PUDP: variants seen among roughly 807,000 people sequenced by gnomAD.
The protein encoded by PUDP is pseudouridine 5'-phosphatase, also known as pseudouridine-5'-phosphatase.
A neutral mutation model predicts 9.4 loss-of-function variants in PUDP; 8 were observed. That is an observed-to-expected ratio of 0.85 (90% CI 0.50 to 1.53). The LOEUF is 1.53. PUDP is among the 40% of genes most tolerant of loss of function. PUDP has a pLI of 0.00. For missense variants in PUDP, 188 were observed against 189.7 expected, an observed-to-expected ratio of 0.99 and a Z score of 0.05; for synonymous variants, 99 against 80.7, an observed-to-expected ratio of 1.23 and a Z score of -1.22.
At chrX:6,902,749 G>A (rs756044518) in intron 3 of PUDP, among the ~76,000 whole-genome samples, 1 of 111,484 alleles carries the variant, frequency 9.0e-6, no homozygotes, top group East Asian at 2.8e-4. Context: ...CAATCTCCTG[G>A]TGAGAGAGAG....
chrX:6,903,747 A>G (rs1169573440), intron 3 of PUDP, among the ~76,000 whole-genome samples: 2 of 110,112 alleles, frequency 1.8e-5, no homozygotes, highest in Admixed American at 9.8e-5. Context: ...GTGGGTCCAC[A>G]TGGATATAAA....
intron 3 of PUDP, among the ~76,000 whole-genome samples, chrX:6,846,874 T>C (rs963164063): frequency 3.6e-5 from 4 of 111,372 alleles, no homozygotes; most frequent in African/African-American, 9.8e-5. Flanking sequence ...TGCATGTTCC[T>C]TCTGTGCTCT....
intron 3 of PUDP, among the ~76,000 whole-genome samples, chrX:6,934,738 A>G (rs1258346224): frequency 2.2e-5 from 2 of 89,811 alleles, no homozygotes; most frequent in Non-Finnish European, 4.4e-5. Context: ...CAGGAAACCC[A>G]TCTCACGTGC....
At chrX:6,825,254 C>T (rs1372528710) in intron 3 of PUDP, among the ~76,000 whole-genome samples, 2 of 111,720 alleles carry the variant, frequency 1.8e-5, no homozygotes, top group African/African-American at 3.3e-5. Flanking sequence ...CACTAGGAAA[C>T]ACACATCAGA....
At chrX:7,083,490 G>C (rs1321893225) in intron 2 of PUDP, among the ~76,000 whole-genome samples, 5 of 111,743 alleles carry the variant, frequency 4.5e-5, no homozygotes, top group African/African-American at 1.6e-4. Flanking sequence ...TAAATCAGGA[G>C]AGGAGGGCCG....
chrX:7,021,838 G>T (rs1212117503), intron 1 of PUDP, among the ~76,000 whole-genome samples: 2 of 112,160 alleles, frequency 1.8e-5, no homozygotes, highest in Non-Finnish European at 3.8e-5. Context: ...ACTCATAAAA[G>T]CAAGTGAAGG....
chrX:6,757,709 T>C (rs1460019566), intron 3 of PUDP, among the ~76,000 whole-genome samples: 1 of 112,173 alleles, frequency 8.9e-6, no homozygotes, highest in Non-Finnish European at 1.9e-5. Context: ...ATGTGAACAA[T>C]AGAGAGAGAT....
chrX:6,766,119 C>A (rs5948757), intron 3 of PUDP, among the ~76,000 whole-genome samples: 25,301 of 110,593 alleles, frequency 0.23, 2,120 homozygotes, highest in East Asian at 0.44. Context: ...AACTGTCAAC[C>A]CAGAACTTTA....
intron 2 of PUDP, among the ~76,000 whole-genome samples, chrX:7,089,401 T>C (rs1931359271): frequency 9.0e-6 from 1 of 111,349 alleles, no homozygotes; most frequent in Admixed American, 9.6e-5. Flanking sequence ...TCCTCCACTG[T>C]GCCTGATCAC....
intron 3 of PUDP, among the ~76,000 whole-genome samples, chrX:6,851,800 C>T (rs1456130196): frequency 9.0e-6 from 1 of 111,109 alleles, no homozygotes; most frequent in Non-Finnish European, 1.9e-5. Context: ...GACACAGAGT[C>T]CAACTCTTGC....
intron 3 of PUDP, among the ~76,000 whole-genome samples, chrX:6,922,509 A>G (rs1385947508): frequency 8.9e-6 from 1 of 112,566 alleles, no homozygotes; most frequent in South Asian, 3.7e-4. Context: ...AATTTGGATC[A>G]CTACTCCCAA....
At chrX:7,036,652 TCTC>T (rs1929856728) in intron 1 of PUDP, among the ~76,000 whole-genome samples, 1 of 110,905 alleles carries the variant, frequency 9.0e-6, no homozygotes, top group Non-Finnish European at 1.9e-5. Flanking sequence ...TGGTGTCTCA[TCTC>T]CTTTTTGCTG....
chrX:6,801,748 T>C (rs1925937691), intron 3 of PUDP, among the ~76,000 whole-genome samples: 1 of 111,990 alleles, frequency 8.9e-6, no homozygotes, highest in Admixed American at 9.5e-5. Context: ...AACATGTGTC[T>C]CTTTGTAATT....
chrX:6,906,851 C>T (rs1313727054), intron 3 of PUDP, among the ~76,000 whole-genome samples: 2 of 111,884 alleles, frequency 1.8e-5, no homozygotes, highest in Non-Finnish European at 3.8e-5. Context: ...AATGCAAACC[C>T]TATTGTGGAA....
chrX:7,022,042 A>T (rs1929640423), intron 1 of PUDP, among the ~76,000 whole-genome samples: 1 of 111,574 alleles, frequency 9.0e-6, no homozygotes, highest in Non-Finnish European at 1.9e-5. Flanking sequence ...CTCATCATTA[A>T]CAAACTGGAC....
At chrX:6,808,999 G>A (rs892207316) in intron 3 of PUDP, among the ~76,000 whole-genome samples, 4 of 111,849 alleles carry the variant, frequency 3.6e-5, no homozygotes, top group Admixed American at 9.5e-5. Flanking sequence ...ATCTGCTCAC[G>A]GGCTGGACAC....
rs759648823 is a variant in PUDP at position 7,140,528 on chromosome X, G to GA, written c.61+7524dup. 2.7e-5 allele frequency among the ~76,000 whole-genome samples: 3 copies of GA among 110,075 alleles called. No individual in the cohort carries two copies. In the Admixed American group the frequency reaches 2.9e-4, roughly 11 times the overall value. On this transcript the variant is annotated intron_variant, in intron 1 of 3. Transcript: ENST00000381077. ...TTGCTTTAAGTCTCCATCTACTCCT[G>GA]AAAAATGACAGAAAATAGTATATAA...
intron 1 of PUDP, among the ~76,000 whole-genome samples, chrX:7,121,861 A>G (rs1223202324): frequency 1.8e-5 from 2 of 112,060 alleles, no homozygotes; most frequent in Non-Finnish European, 3.8e-5. Context: ...TCCAACAGAG[A>G]GAGTCTTAAA....
At chrX:6,901,539 C>T (rs1231713071) in intron 3 of PUDP, among the ~76,000 whole-genome samples, 4 of 112,386 alleles carry the variant, frequency 3.6e-5, no homozygotes, top group African/African-American at 6.5e-5. Context: ...TATTTACATG[C>T]TTGCTCCACG....
Sources: allele counts gnomAD v4.1 joint callset (sites outside exome capture counted in the v4.1 genomes callset), GRCh38; gene constraint gnomAD v4.1.1; transcripts MANE v1.5; gene names NCBI Gene and HGNC (gene_info 2026-07-23, HGNC 2026-07-21).